The following XPO7 variants were observed in gnomAD, a reference collection of about 807,000 sequenced individuals.
The protein encoded by XPO7 is exportin-7.
Under a neutral mutation model 144.3 loss-of-function variants are expected in XPO7, and 21 were observed. The ratio of observed to expected loss-of-function variants is 0.15; its 90% confidence interval spans 0.10 to 0.21. XPO7 has a LOEUF of 0.21. XPO7 is among the 10% of genes least tolerant of loss of function. The probability of loss-of-function intolerance (pLI) is 1.00; values close to 1 mark genes in which losing one functional copy is unlikely to be tolerated. For synonymous variants in XPO7, 580 were observed against 499.6 expected (o/e 1.16, Z -2.15); for missense variants, 808 against 1,325.8 (o/e 0.61, Z 6.06).
rs548636083 is a variant in XPO7, at chr8:21,975,494, G to A, written c.597+720G>A. Among the ~76,000 whole-genome samples, 12 of 152,262 alleles carry A rather than the reference G, an allele frequency of 7.9e-5. No homozygotes were observed. The South Asian group carries it at 8.3e-4, about 11-fold the overall frequency. ...GAAAGCTAAATAGGGTTAGCCTCTG[G>A]TTTTTTGTTCATTTTTGTGGTTTTG... On this transcript the variant is annotated intron_variant, in intron 6 of 27. Transcript: ENST00000252512.
intron 1 of XPO7, among the ~76,000 whole-genome samples, chr8:21,925,692 G>A (rs958163147): frequency 6.6e-6 from 1 of 152,180 alleles, no homozygotes; most frequent in Non-Finnish European, 1.5e-5. Context: ...TTTGGTCTCT[G>A]AGCCTGGATT....
chr8:21,992,112 G>A, intron 19 of XPO7, 138 bp downstream of exon 19: 1 of 555,974 alleles, frequency 1.8e-6, no homozygotes, highest in Non-Finnish European at 3.1e-6. Flanking sequence ...TGGAATTGCA[G>A]AACCAGTATA....
At chr8:21,924,272 C>T (rs1810385980) in intron 1 of XPO7, among the ~76,000 whole-genome samples, 1 of 151,960 alleles carries the variant, frequency 6.6e-6, no homozygotes, top group African/African-American at 2.4e-5. Context: ...TTATTTTTTT[C>T]AAAAACTTTT....
intron 1 of XPO7, among the ~76,000 whole-genome samples, chr8:21,939,856 A>G (rs1235054490): frequency 6.6e-6 from 1 of 152,256 alleles, no homozygotes; most frequent in Non-Finnish European, 1.5e-5. Flanking sequence ...AATATTTTCA[A>G]ATGTAATTAG....
intron 1 of XPO7, among the ~76,000 whole-genome samples, chr8:21,953,387 G>C (rs775640903): frequency 6.6e-6 from 1 of 152,164 alleles, no homozygotes; most frequent in Non-Finnish European, 1.5e-5. Flanking sequence ...TAGCCTTTCA[G>C]ATTGGCATCT....
At chr8:21,929,221 A>G (rs1810562121) in intron 1 of XPO7, among the ~76,000 whole-genome samples, 1 of 152,244 alleles carries the variant, frequency 6.6e-6, no homozygotes, top group African/African-American at 2.4e-5. Flanking sequence ...GCTACTCTAG[A>G]ATAAACTTGC....
chr8:21,944,760 C>T (rs1388415141), intron 1 of XPO7, among the ~76,000 whole-genome samples: 2 of 152,114 alleles, frequency 1.3e-5, no homozygotes, highest in Non-Finnish European at 2.9e-5. Context: ...CTTCCGCCTT[C>T]CGCATTGTTT....
Position 21,987,144 on chromosome 8 carries a change from G to A in XPO7, c.1581G>A (p.Val527=), listed in dbSNP as rs1218563914. ...ATCATTGCTCCTCTTCCTCCAGGGTGCTCCAGCTGATGAACCTAACAGATT... is the reference window on the plus strand; with the variant it reads ...ATCATTGCTCCTCTTCCTCCAGGGTACTCCAGCTGATGAACCTAACAGATT... ...DAMDGELVCR[V]LQLMNLTDSR... is the part of the protein sequence containing the mutation. The change falls in exon 14 of 28, where the codon GTG becomes GTA. Residue 527 remains valine (V), a synonymous_variant. Transcript: ENST00000252512. 1 of 1,613,870 alleles carries A rather than the reference G, an allele frequency of 6.2e-7. No homozygotes were observed. The highest frequency in any genetic ancestry group is 8.5e-7 in the Non-Finnish European group (1 of 1,179,882).
chr8:21,973,034 G>A (rs1392151968), intron 5 of XPO7, among the ~76,000 whole-genome samples: 2 of 146,448 alleles, frequency 1.4e-5, no homozygotes, highest in African/African-American at 5.5e-5. Flanking sequence ...AGTCATATGA[G>A]GTAGGTACTG....
chr8:22,001,123 G>A (rs1192881592), intron 24 of XPO7, among the ~76,000 whole-genome samples: 1 of 151,978 alleles, frequency 6.6e-6, no homozygotes, highest in Non-Finnish European at 1.5e-5. Context: ...GACCAGCCTG[G>A]CCAATATGGC....
At chr8:21,981,582 T>C (rs2306643) in intron 9 of XPO7, 149 bp from the exon 10 acceptor site, 6 of 913,942 alleles carry the variant, frequency 6.6e-6, no homozygotes, top group Admixed American at 2.9e-5. Flanking sequence ...CTGAACATTA[T>C]GCAGACGTAT....
chr8:21,967,869 A>G (rs554700343), intron 2 of XPO7, among the ~76,000 whole-genome samples: 89 of 152,314 alleles, frequency 5.8e-4, no homozygotes, highest in African/African-American at 2.1e-3. Context: ...AAAAATCACT[A>G]TCTTTGGCAA....
chr8:21,962,394 T>G (rs1466622531), intron 1 of XPO7, among the ~76,000 whole-genome samples: 1 of 152,184 alleles, frequency 6.6e-6, no homozygotes, highest in Non-Finnish European at 1.5e-5. Flanking sequence ...TATTTTTTTG[T>G]TTTTGTTTTT....
At chr8:21,972,036 T>C (rs1812079114) in intron 5 of XPO7, 95 bp downstream of exon 5, 1 of 1,225,542 alleles carries the variant, frequency 8.2e-7, no homozygotes, top group African/African-American at 1.5e-5. Context: ...TTTTGGCAGT[T>C]GTGTGCTTTT....
intron 1 of XPO7, among the ~76,000 whole-genome samples, chr8:21,939,831 G>C (rs963556496): frequency 6.6e-6 from 1 of 152,154 alleles, no homozygotes; most frequent in Admixed American, 6.5e-5. Flanking sequence ...GAAAACCAAG[G>C]AGAATTCATT....
At chr8:21,997,083 C>T (rs1425995103) in intron 21 of XPO7, among the ~76,000 whole-genome samples, 1 of 152,210 alleles carries the variant, frequency 6.6e-6, no homozygotes, top group Non-Finnish European at 1.5e-5. Flanking sequence ...GTTGGGATTG[C>T]AGGCGTGAGC....
rs1173111680 is a variant in XPO7, at chr8:21,969,586, GA to G, written c.259+12del. On this transcript the variant is annotated intron_variant, in intron 3 of 27. Coordinates refer to ENST00000252512, the MANE Select transcript of XPO7 (RefSeq NM_015024.5). ...CAGCGAATAGATATTCGTAAGTGGAGAATTTTCTGTTCTGTCTTGAAGAAAA... is the reference window on the plus strand; with the variant it reads ...CAGCGAATAGATATTCGTAAGTGGAGATTTTCTGTTCTGTCTTGAAGAAAA... 4 of 1,608,350 alleles carry G rather than the reference GA, an allele frequency of 2.5e-6. No individual in the cohort carries two copies. In the African/African-American group the frequency reaches 5.3e-5, roughly 22 times the overall value.
intron 1 of XPO7, among the ~76,000 whole-genome samples, chr8:21,929,097 A>G (rs1810557385): frequency 6.6e-6 from 1 of 152,234 alleles, no homozygotes; most frequent in Non-Finnish European, 1.5e-5. Context: ...CAAGTTCTTC[A>G]GTTGTACCAA....
intron 3 of XPO7, 66 bp from the exon 4 acceptor site, chr8:21,970,078 T>C (rs1340574454): frequency 9.1e-6 from 14 of 1,545,714 alleles, no homozygotes; most frequent in Admixed American, 2.0e-5. Context: ...TCTAAAGATA[T>C]ACACCCTTCT....
Sources: allele counts gnomAD v4.1 joint callset (sites outside exome capture counted in the v4.1 genomes callset), GRCh38; gene constraint gnomAD v4.1.1; transcripts MANE v1.5; gene names NCBI Gene and HGNC (gene_info 2026-07-23, HGNC 2026-07-21).